Variants in CABCOCO1 observed in about 807,000 individuals in gnomAD.
CABCOCO1 encodes ciliary associated calcium binding coiled-coil 1.
In CABCOCO1, 28 loss-of-function variants were observed where a neutral mutation model predicts 35.7. That is an observed-to-expected ratio of 0.78 (90% CI 0.58 to 1.07). The LOEUF is 1.07. Among genes scored for constraint, CABCOCO1 ranks in the 50% least tolerant of loss-of-function variants. CABCOCO1 has a pLI of 0.00. For synonymous variants in CABCOCO1, 95 were observed against 100.1 expected (o/e 0.95, Z 0.30); for missense variants, 326 against 309.2 (o/e 1.05, Z -0.41).
chr10:61,745,442 C>A (rs1050531348), intron 5 of CABCOCO1, among the ~76,000 whole-genome samples: 3 of 152,154 alleles, frequency 2.0e-5, no homozygotes, highest in Admixed American at 1.3e-4. Flanking sequence ...TCTGGCCTAT[C>A]CCTAACAGGT....
intron 1 of CABCOCO1, among the ~76,000 whole-genome samples, chr10:61,669,933 T>A (rs1002989852): frequency 2.0e-5 from 3 of 152,130 alleles, no homozygotes; most frequent in African/African-American, 7.2e-5. Flanking sequence ...TTAATATGAA[T>A]TAAAATTTAG....
intron 2 of CABCOCO1, among the ~76,000 whole-genome samples, chr10:61,677,977 G>A (rs12775555): frequency 2.0e-4 from 30 of 151,738 alleles, no homozygotes; most frequent in Non-Finnish European, 3.2e-4. Flanking sequence ...GAAACTTTGG[G>A]CTATCCAAAT....
intron 1 of CABCOCO1, among the ~76,000 whole-genome samples, chr10:61,671,299 T>C (rs1330476812): frequency 9.3e-5 from 14 of 151,264 alleles, no homozygotes; most frequent in Admixed American, 9.2e-4. Context: ...CACTTCAGCC[T>C]GGGTGACAGA....
chr10:61,686,444 T>G (rs963097256), intron 4 of CABCOCO1, among the ~76,000 whole-genome samples: 5 of 152,290 alleles, frequency 3.3e-5, no homozygotes, highest in Admixed American at 6.5e-5. Context: ...TTGATAAATA[T>G]AATTTTATCT....
intron 5 of CABCOCO1, among the ~76,000 whole-genome samples, chr10:61,753,604 A>C (rs1841837837): frequency 6.6e-6 from 1 of 152,182 alleles, no homozygotes; most frequent in Non-Finnish European, 1.5e-5. Flanking sequence ...CAGGGCAACC[A>C]CAGGCCATAT....
At chr10:61,732,842 C>G (rs1012029838) in intron 5 of CABCOCO1, among the ~76,000 whole-genome samples, 1 of 151,966 alleles carries the variant, frequency 6.6e-6, no homozygotes, top group Non-Finnish European at 1.5e-5. Context: ...ATGTTATCTC[C>G]TGGAGAACAA....
chr10:61,704,087 G>A (rs191985049), intron 5 of CABCOCO1, among the ~76,000 whole-genome samples: 1 of 152,170 alleles, frequency 6.6e-6, no homozygotes, highest in East Asian at 1.9e-4. Flanking sequence ...AGCTGGGCGT[G>A]GTGGCAGGCA....
intron 5 of CABCOCO1, among the ~76,000 whole-genome samples, chr10:61,696,506 C>T (rs1056993455): frequency 1.3e-5 from 2 of 151,664 alleles, no homozygotes; most frequent in African/African-American, 4.8e-5. Flanking sequence ...TTCTTTTTTT[C>T]ATCATTTTAG....
intron 5 of CABCOCO1, among the ~76,000 whole-genome samples, chr10:61,723,453 GC>G (rs1266478111): frequency 6.6e-6 from 1 of 152,252 alleles, no homozygotes; most frequent in East Asian, 1.9e-4. Flanking sequence ...TACGTGACTG[GC>G]TTTTGCTAGT....
At chr10:61,666,971 T>TA (rs965176571) in intron 1 of CABCOCO1, among the ~76,000 whole-genome samples, 1 of 136,482 alleles carries the variant, frequency 7.3e-6, no homozygotes, top group African/African-American at 2.9e-5. Context: ...TAATTATATA[T>TA]TATATATAAA....
At chr10:61,697,677 A>G (rs905463486) in intron 5 of CABCOCO1, among the ~76,000 whole-genome samples, 9 of 152,142 alleles carry the variant, frequency 5.9e-5, no homozygotes, top group Non-Finnish European at 1.0e-4. Context: ...ATGTCTTCAC[A>G]TATTTTTGTA....
intron 5 of CABCOCO1, among the ~76,000 whole-genome samples, chr10:61,715,963 C>T (rs1016347341): frequency 4.6e-5 from 7 of 152,074 alleles, no homozygotes; most frequent in African/African-American, 1.7e-4. Flanking sequence ...TCATTTCAAC[C>T]TTGGTGAATC....
At chr10:61,743,085 A>G (rs1380040250) in intron 5 of CABCOCO1, among the ~76,000 whole-genome samples, 1 of 152,228 alleles carries the variant, frequency 6.6e-6, no homozygotes, top group Non-Finnish European at 1.5e-5. Flanking sequence ...ACCAGTTGCA[A>G]GTAAAGTAAT....
chr10:61,684,435 A>C (rs1564534391), intron 3 of CABCOCO1, among the ~76,000 whole-genome samples: 2 of 152,236 alleles, frequency 1.3e-5, no homozygotes, highest in Admixed American at 6.5e-5. Context: ...CTTACACCCC[A>C]GTGGGAAAGA....
chr10:61,696,840 A>G (rs1006999320), intron 5 of CABCOCO1, among the ~76,000 whole-genome samples: 1 of 152,056 alleles, frequency 6.6e-6, no homozygotes, highest in African/African-American at 2.4e-5. Context: ...TTTCTTTGAT[A>G]AAATAAGAAA....
chr10:61,702,559 A>G (rs1245563803), intron 5 of CABCOCO1, among the ~76,000 whole-genome samples: 1 of 152,152 alleles, frequency 6.6e-6, no homozygotes, highest in East Asian at 1.9e-4. Flanking sequence ...AATAAATATA[A>G]TCAATGTAAG....
chr10:61,750,610 C>A (rs1004656249), intron 5 of CABCOCO1, among the ~76,000 whole-genome samples: 2 of 152,142 alleles, frequency 1.3e-5, no homozygotes, highest in Non-Finnish European at 2.9e-5. Flanking sequence ...GAAGTCAAAT[C>A]AGTGAGAATC....
chr10:61,690,879 G>A (rs755637791), intron 5 of CABCOCO1, among the ~76,000 whole-genome samples: 1 of 151,922 alleles, frequency 6.6e-6, no homozygotes, highest in African/African-American at 2.4e-5. Context: ...AGTTCAATTG[G>A]ATAAGGTACA....
intron 5 of CABCOCO1, among the ~76,000 whole-genome samples, chr10:61,722,330 T>C (rs1841042509): frequency 6.6e-6 from 1 of 152,120 alleles, no homozygotes; most frequent in South Asian, 2.1e-4. Context: ...ATGCAAACCA[T>C]ATATATAAAG....
Sources: allele counts gnomAD v4.1 joint callset (sites outside exome capture counted in the v4.1 genomes callset), GRCh38; gene constraint gnomAD v4.1.1; transcripts MANE v1.5; gene names NCBI Gene and HGNC (gene_info 2026-07-23, HGNC 2026-07-21).